The following PRKD1 variants were observed in gnomAD, a reference collection of about 807,000 sequenced individuals.
The protein encoded by PRKD1 is serine/threonine-protein kinase D1.
Under a neutral mutation model 95.9 loss-of-function variants are expected in PRKD1, and 63 were observed. The observed-to-expected ratio is 0.66, with a 90% CI of 0.54 to 0.81. The LOEUF (loss-of-function observed/expected upper bound fraction) is 0.81. Ranked by LOEUF, PRKD1 falls within the 30% of genes least tolerant of loss-of-function variation. PRKD1 has a pLI of 0.00. For synonymous variants in PRKD1, 425 were observed against 423.1 expected, an observed-to-expected ratio of 1.00 and a Z score of -0.05; for missense variants, 1,048 against 1,165.3, an observed-to-expected ratio of 0.90 and a Z score of 1.47.
chr14:29,694,175 A>T (rs913713187), intron 2 of PRKD1, among the ~76,000 whole-genome samples: 2 of 152,222 alleles, frequency 1.3e-5, no homozygotes, highest in African/African-American at 4.8e-5. Context: ...GATGTTAAAA[A>T]TATGGTGCCC....
intron 1 of PRKD1, among the ~76,000 whole-genome samples, chr14:29,904,292 G>T (rs184618326): frequency 1.3e-5 from 2 of 152,076 alleles, no homozygotes; most frequent in Non-Finnish European, 2.9e-5. Flanking sequence ...TTATTAAACC[G>T]CCTGAAAAAG....
chr14:29,727,575 G>A lies in PRKD1; in HGVS notation c.265-1901C>T, dbSNP rs111504687. 8.3e-3 allele frequency among the ~76,000 whole-genome samples: 1,255 copies of A among 150,822 alleles called. 19 individuals are homozygous for A. Among genetic ancestry groups the A allele is most frequent in the African/African-American group, 0.028 (1,163 of 40,976 alleles). On this transcript the variant is annotated intron_variant, in intron 1 of 17. Transcript: ENST00000331968. The stretch of plus-strand genomic sequence containing the variant: ...CCATCTTGAATTGATTTTTGTATAA[G>A]GTGTAAGGAAGGGATCCAGTTTCAG...
chr14:29,726,068 A>G (rs761979903), intron 1 of PRKD1, among the ~76,000 whole-genome samples: 7 of 152,204 alleles, frequency 4.6e-5, no homozygotes, highest in Non-Finnish European at 1.0e-4. Context: ...CAATTCCATT[A>G]CACATAATAA....
At chr14:29,630,681 T>A (rs1879939580) in intron 10 of PRKD1, 61 bp downstream of exon 10, 1 of 1,599,010 alleles carries the variant, frequency 6.3e-7, no homozygotes, top group African/African-American at 1.3e-5. Flanking sequence ...GGCACATGTT[T>A]ACTAAGCAAG....
At chr14:29,798,979 C>A (rs1462703946) in intron 1 of PRKD1, among the ~76,000 whole-genome samples, 3 of 152,172 alleles carry the variant, frequency 2.0e-5, no homozygotes, top group Non-Finnish European at 4.4e-5. Context: ...CTCACTTTTA[C>A]TCCTCTTTCT....
At chr14:29,675,752 G>A (rs1272196651) in intron 2 of PRKD1, among the ~76,000 whole-genome samples, 2 of 151,992 alleles carry the variant, frequency 1.3e-5, no homozygotes, top group East Asian at 1.9e-4. Context: ...ATGATAGACT[G>A]GATTAAGAAA....
intron 2 of PRKD1, among the ~76,000 whole-genome samples, chr14:29,720,776 T>C (rs1885851367): frequency 7.5e-6 from 1 of 133,882 alleles, no homozygotes; most frequent in African/African-American, 3.1e-5. Flanking sequence ...CAAGATTCTG[T>C]CTCAAAAAAA....
intron 1 of PRKD1, among the ~76,000 whole-genome samples, chr14:29,855,807 TA>T (rs1892476758): frequency 6.6e-6 from 1 of 152,142 alleles, no homozygotes; most frequent in Non-Finnish European, 1.5e-5. Context: ...CTGATGGTTT[TA>T]AAAATGGGAG....
intron 13 of PRKD1, among the ~76,000 whole-genome samples, chr14:29,619,186 G>A (rs1441650540): frequency 6.6e-6 from 1 of 151,522 alleles, no homozygotes; most frequent in Non-Finnish European, 1.5e-5. Context: ...TTTAACAGAT[G>A]AGAGTTAGTG....
intron 4 of PRKD1, among the ~76,000 whole-genome samples, chr14:29,645,019 C>T (rs1881037050): frequency 6.6e-6 from 1 of 152,154 alleles, no homozygotes; most frequent in Non-Finnish European, 1.5e-5. Flanking sequence ...CAAGATCACA[C>T]AACTTGTAAG....
intron 1 of PRKD1, among the ~76,000 whole-genome samples, chr14:29,922,854 T>C (rs1895170355): frequency 6.6e-6 from 1 of 152,160 alleles, no homozygotes; most frequent in Non-Finnish European, 1.5e-5. Context: ...ACTGTACTTG[T>C]AGTCTGGGCC....
intron 13 of PRKD1, among the ~76,000 whole-genome samples, chr14:29,613,115 T>C (rs756207466): frequency 6.6e-6 from 1 of 151,880 alleles, no homozygotes; most frequent in African/African-American, 2.4e-5. Context: ...AAATTCTTCA[T>C]GTAATATAAT....
intron 2 of PRKD1, among the ~76,000 whole-genome samples, chr14:29,691,298 G>T (rs1287509718): frequency 2.0e-5 from 3 of 152,192 alleles, no homozygotes; most frequent in African/African-American, 7.2e-5. Context: ...TGATTAACTT[G>T]TGTTTGCACA....
At chr14:29,753,079 T>C (rs1471115884) in intron 1 of PRKD1, among the ~76,000 whole-genome samples, 1 of 151,744 alleles carries the variant, frequency 6.6e-6, no homozygotes, top group Non-Finnish European at 1.5e-5. Flanking sequence ...AGGGGGAAAA[T>C]GCAAATGGAA....
At chr14:29,765,153 G>C (rs987719935) in intron 1 of PRKD1, among the ~76,000 whole-genome samples, 1 of 151,888 alleles carries the variant, frequency 6.6e-6, no homozygotes, top group Non-Finnish European at 1.5e-5. Context: ...AACTAAATCT[G>C]AACACATATA....
At chr14:29,696,245 G>C (rs895731339) in intron 2 of PRKD1, among the ~76,000 whole-genome samples, 1 of 152,100 alleles carries the variant, frequency 6.6e-6, no homozygotes, top group East Asian at 1.9e-4. Flanking sequence ...TAGTAATAGA[G>C]TCAGGCCTAT....
At chr14:29,640,284 T>G (rs1449543298) in intron 4 of PRKD1, among the ~76,000 whole-genome samples, 2 of 152,198 alleles carry the variant, frequency 1.3e-5, no homozygotes, top group Non-Finnish European at 2.9e-5. Flanking sequence ...ATTTCTAATT[T>G]TAAATGATTA....
At chr14:29,888,243 G>C (rs1893806454) in intron 1 of PRKD1, among the ~76,000 whole-genome samples, 2 of 152,086 alleles carry the variant, frequency 1.3e-5, no homozygotes, top group South Asian at 4.2e-4. Context: ...GTGATCCTAT[G>C]ATTTTGCCAC....
chr14:29,806,587 T>C (rs1217878460), intron 1 of PRKD1, among the ~76,000 whole-genome samples: 1 of 152,140 alleles, frequency 6.6e-6, no homozygotes, highest in Non-Finnish European at 1.5e-5. Flanking sequence ...AGATGAGCAT[T>C]AGAAAATGGT....
Sources: gnomAD v4.1 joint callset for allele counts (sites outside exome capture counted in the v4.1 genomes callset) on GRCh38, gnomAD v4.1.1 for gene constraint, MANE v1.5 for transcripts, NCBI Gene and HGNC (gene_info 2026-07-23, HGNC 2026-07-21) for gene names.